The following FXYD6 variants were observed in gnomAD, a reference collection of about 807,000 sequenced individuals.
The protein encoded by FXYD6 is FXYD domain-containing ion transport regulator 6.
A neutral mutation model predicts 16.7 loss-of-function variants in FXYD6; 7 were observed. The ratio of observed to expected loss-of-function variants is 0.42; its 90% CI spans 0.24 to 0.79. The LOEUF is 0.79. Among genes scored for constraint, FXYD6 ranks in the 30% least tolerant of loss-of-function variants. FXYD6 has a pLI of 0.28. For synonymous variants in FXYD6, 49 were observed against 43.0 expected (o/e 1.14, Z -0.54); for missense variants, 111 against 116.2 (o/e 0.95, Z 0.21).
chr11:117,864,050 T>A (rs749297106), intron 1 of FXYD6, among the ~76,000 whole-genome samples: 2 of 152,106 alleles, frequency 1.3e-5, no homozygotes, highest in Non-Finnish European at 2.9e-5. Flanking sequence ...TTTAATGCAA[T>A]CCCTATCAAA....
chr11:117,851,206 A>G (rs1476383814), intron 1 of FXYD6, among the ~76,000 whole-genome samples: 1 of 152,160 alleles, frequency 6.6e-6, no homozygotes, highest in Non-Finnish European at 1.5e-5. Flanking sequence ...GGTCTGTATG[A>G]CCAGGAAAAT....
At chr11:117,843,198 G>A (rs1297510964) in intron 1 of FXYD6, among the ~76,000 whole-genome samples, 9 of 152,214 alleles carry the variant, frequency 5.9e-5, no homozygotes, top group Non-Finnish European at 1.0e-4. Flanking sequence ...GCCTCCCAAA[G>A]GGCTGGGATT....
chr11:117,840,322 T>G lies in FXYD6; in HGVS notation c.256A>C (p.Asn86His). ...GCAGGTGGTCACGGACAGTTACCAT[T>G]GGCGGTGATGAGGTTCTCCACCTGG... ...EAQVENLITANATEPQKAEN is the reference protein window; with the variant it reads ...EAQVENLITAHATEPQKAEN The change falls in exon 6 of 8, where the codon AAT becomes CAT. Residue 86 changes from asparagine to histidine, a missense_variant. Coordinates refer to ENST00000526014, the MANE Select transcript of FXYD6 (RefSeq NM_022003.4). 1.2e-6 allele frequency: 2 copies of G among 1,614,108 alleles called. No individual in the cohort carries two copies. Among genetic ancestry groups the G allele is most frequent in the Non-Finnish European group, 1.7e-6 (2 of 1,180,008 alleles).
chr11:117,861,345 G>A (rs996006499), intron 1 of FXYD6, among the ~76,000 whole-genome samples: 2 of 152,190 alleles, frequency 1.3e-5, no homozygotes, highest in Non-Finnish European at 1.5e-5. Context: ...GGAGAAGTCG[G>A]CCAATAGCTG....
intron 1 of FXYD6, among the ~76,000 whole-genome samples, chr11:117,860,796 T>C (rs2056888062): frequency 6.6e-6 from 1 of 152,240 alleles, no homozygotes; most frequent in South Asian, 2.1e-4. Context: ...GCTCATGCCA[T>C]ACCAAGTGTT....
intron 1 of FXYD6, among the ~76,000 whole-genome samples, chr11:117,851,618 G>A (rs1392551741): frequency 6.6e-6 from 1 of 152,208 alleles, no homozygotes; most frequent in Non-Finnish European, 1.5e-5. Flanking sequence ...TACAACATAT[G>A]TACTGATTTG....
In FXYD6 at chr11:117,838,041, TCACACA is replaced by T. The variant is rs57385031; in HGVS notation, c.*252_*257del. The T allele has an allele frequency of 1.8e-4, 107 of 589,692 alleles. No homozygotes were observed. Among genetic ancestry groups the T allele is most frequent in the Admixed American group, 5.2e-4 (19 of 36,784 alleles). The allele number at this position is 589,692 out of a possible 1,614,324, so 36.5% of individuals were successfully genotyped here. ...GACCACAGTTAGCAAACACACACAG[TCACACA>T]CACACACACACACACACACATCACG... On this transcript the variant is annotated 3_prime_UTR_variant, in exon 8 of 8. Transcript: ENST00000526014.
chr11:117,855,563 T>C (rs1240467162), intron 1 of FXYD6, among the ~76,000 whole-genome samples: 3 of 152,032 alleles, frequency 2.0e-5, no homozygotes, highest in African/African-American at 7.2e-5. Flanking sequence ...TTCTCCCTCC[T>C]TCCAGAGAGG....
At chr11:117,867,365 T>C (rs1036332594) in intron 1 of FXYD6, among the ~76,000 whole-genome samples, 1 of 152,208 alleles carries the variant, frequency 6.6e-6, no homozygotes, top group Non-Finnish European at 1.5e-5. Context: ...ACTGCATCTG[T>C]GGCAAAGTCC....
At chr11:117,862,422 A>G (rs554389937) in intron 1 of FXYD6, among the ~76,000 whole-genome samples, 11 of 152,360 alleles carry the variant, frequency 7.2e-5, no homozygotes, top group African/African-American at 2.6e-4. Flanking sequence ...AAAATGCACC[A>G]GGGCAGGGTA....
intron 1 of FXYD6, among the ~76,000 whole-genome samples, chr11:117,846,715 G>A (rs1408749878): frequency 6.6e-6 from 1 of 152,098 alleles, no homozygotes; most frequent in Non-Finnish European, 1.5e-5. Flanking sequence ...ATCTCTTTGG[G>A]TCTCTTGGTC....
chr11:117,838,179 G>C lies in FXYD6; in HGVS notation c.*120C>G. On this transcript the variant is annotated 3_prime_UTR_variant, in exon 8 of 8. Coordinates refer to ENST00000526014, the MANE Select transcript of FXYD6 (RefSeq NM_022003.4). ...TAGGGTGGGGGACACACAAGTTCTT[G>C]GCTTCTCCTGGGGAAAGGGCTGTTG... The C allele has an allele frequency of 1.4e-6, 1 of 702,010 alleles. No homozygotes were observed. The highest frequency in any genetic ancestry group is 1.7e-5 in the African/African-American group (1 of 57,326). The allele number at this position is 702,010 out of a possible 1,614,324, so 43.5% of individuals were successfully genotyped here.
intron 1 of FXYD6, among the ~76,000 whole-genome samples, chr11:117,868,263 G>A (rs750323585): frequency 3.0e-4 from 46 of 152,260 alleles, no homozygotes; most frequent in Middle Eastern, 3.4e-3. Flanking sequence ...CCAATCACCA[G>A]GCCTTGAAAC....
At chr11:117,839,684 C>A (rs2056290760) in intron 7 of FXYD6, 97 bp downstream of exon 7, 10 of 1,482,824 alleles carry the variant, frequency 6.7e-6, no homozygotes, top group Non-Finnish European at 9.4e-6. Context: ...GTGCCCACTG[C>A]AAAAGCTAGC....
chr11:117,869,585 G>T (rs967805847), intron 1 of FXYD6, among the ~76,000 whole-genome samples: 8 of 152,172 alleles, frequency 5.3e-5, no homozygotes, highest in East Asian at 1.9e-4. Flanking sequence ...TATAGCAGGG[G>T]ACTTATTTTT....
intron 1 of FXYD6, among the ~76,000 whole-genome samples, chr11:117,861,580 T>C (rs1224854296): frequency 6.6e-6 from 1 of 152,262 alleles, no homozygotes. Context: ...GCCTGGCGAA[T>C]AGTAACTGCT....
At chr11:117,864,678 CG>C (rs2056977151) in intron 1 of FXYD6, among the ~76,000 whole-genome samples, 1 of 152,106 alleles carries the variant, frequency 6.6e-6, no homozygotes, top group Admixed American at 6.5e-5. Flanking sequence ...CCTCCACCTC[CG>C]GGGTTCAAGC....
intron 1 of FXYD6, among the ~76,000 whole-genome samples, chr11:117,861,067 C>T (rs796584855): frequency 3.9e-5 from 6 of 152,328 alleles, no homozygotes; most frequent in African/African-American, 1.2e-4. Context: ...TACTTGGCTT[C>T]TCAGAGTCTT....
chr11:117,840,168 G>T (rs2056305209), intron 6 of FXYD6, 151 bp downstream of exon 6: 7 of 922,220 alleles, frequency 7.6e-6, no homozygotes, highest in Admixed American at 2.0e-5. Flanking sequence ...GAGTGAGGGG[G>T]CAATGCTGCA....
Sources: gnomAD v4.1 joint callset for allele counts (sites outside exome capture counted in the v4.1 genomes callset) on GRCh38, gnomAD v4.1.1 for gene constraint, MANE v1.5 for transcripts, NCBI Gene and HGNC (gene_info 2026-07-23, HGNC 2026-07-21) for gene names.